The following GAS2 variants were observed in gnomAD, a reference collection of about 807,000 sequenced individuals.
GAS2 encodes growth arrest-specific protein 2.
In GAS2, 20 loss-of-function variants were observed where a neutral mutation model predicts 37.5. That is an observed-to-expected ratio of 0.53 (90% CI 0.37 to 0.77). The LOEUF (loss-of-function observed/expected upper bound fraction) is 0.77. Among genes scored for constraint, GAS2 ranks in the 30% least tolerant of loss-of-function variants. The probability of loss-of-function intolerance (pLI) is 0.00; values close to 1 mark genes in which losing one functional copy is unlikely to be tolerated. For synonymous variants in GAS2, 144 were observed against 132.2 expected, an observed-to-expected ratio of 1.09 and a Z score of -0.61; for missense variants, 336 against 373.4, an observed-to-expected ratio of 0.90 and a Z score of 0.82.
At chr11:22,652,576 C>T (rs1247991541) in intron 1 of GAS2, among the ~76,000 whole-genome samples, 1 of 152,208 alleles carries the variant, frequency 6.6e-6, no homozygotes, top group Non-Finnish European at 1.5e-5. Context: ...CAGCGAGACT[C>T]CGTGGGCGTA....
chr11:22,694,328 G>A (rs1282430257), intron 3 of GAS2, among the ~76,000 whole-genome samples: 1 of 152,072 alleles, frequency 6.6e-6, no homozygotes, highest in East Asian at 1.9e-4. Context: ...TTTGCCTCTG[G>A]AAATTAAGTG....
At chr11:22,752,988 A>C (rs1408863819) in intron 6 of GAS2, among the ~76,000 whole-genome samples, 3 of 152,056 alleles carry the variant, frequency 2.0e-5, no homozygotes, top group Non-Finnish European at 2.9e-5. Context: ...AAAACGGTGG[A>C]GTCAGGTTTA....
chr11:22,688,014 C>G (rs183730953), intron 3 of GAS2, among the ~76,000 whole-genome samples: 4 of 152,258 alleles, frequency 2.6e-5, no homozygotes, highest in Admixed American at 1.3e-4. Context: ...TAAGCCTTTG[C>G]TTTTTTAAAA....
intron 7 of GAS2, among the ~76,000 whole-genome samples, chr11:22,792,556 C>T (rs773169786): frequency 4.6e-5 from 7 of 152,164 alleles, no homozygotes; most frequent in Non-Finnish European, 8.8e-5. Flanking sequence ...AGCAAAGAGT[C>T]AACATGGGAG....
chr11:22,702,555 G>A (rs543823901), intron 3 of GAS2: 46 of 152,210 alleles, frequency 3.0e-4, no homozygotes, highest in Admixed American at 2.7e-3. Context: ...GCCCTAATAA[G>A]CAAATGGCAA....
At chr11:22,633,930 G>A (rs1376240976) in intron 1 of GAS2, among the ~76,000 whole-genome samples, 2 of 152,312 alleles carry the variant, frequency 1.3e-5, no homozygotes, top group East Asian at 3.9e-4. Flanking sequence ...GTTCCAGGAA[G>A]CCTCTCTACA....
At chr11:22,797,825 A>G (rs1191505248) in intron 7 of GAS2, among the ~76,000 whole-genome samples, 3 of 152,088 alleles carry the variant, frequency 2.0e-5, no homozygotes, top group Non-Finnish European at 4.4e-5. Flanking sequence ...AGATTCATAA[A>G]TTGTTCCAAG....
At chr11:22,666,438 T>C (rs1270442738), upstream of GAS2, 1 of 152,188 alleles carries the variant, frequency 6.6e-6, no homozygotes, top group African/African-American at 2.4e-5. Context: ...GAGTTAAATA[T>C]GATCCCCTCC....
intron 1 of GAS2, among the ~76,000 whole-genome samples, chr11:22,655,170 A>C (rs1445308579): frequency 6.6e-6 from 1 of 152,112 alleles, no homozygotes; most frequent in Non-Finnish European, 1.5e-5. Context: ...GCTAGGGCTC[A>C]ATCACTTACC....
chr11:22,704,625 T>A (rs865961828), intron 3 of GAS2, among the ~76,000 whole-genome samples: 2 of 63,916 alleles, frequency 3.1e-5, no homozygotes, highest in East Asian at 4.9e-4. Flanking sequence ...ATATATATAT[T>A]TTGCTCATCT....
chr11:22,658,964 G>C (rs1001031763), intron 1 of GAS2, among the ~76,000 whole-genome samples: 3 of 152,194 alleles, frequency 2.0e-5, no homozygotes, highest in Non-Finnish European at 2.9e-5. Context: ...CATGTTAGTA[G>C]TATCATGTTA....
intron 3 of GAS2, among the ~76,000 whole-genome samples, chr11:22,722,046 A>C (rs1437874753): frequency 6.6e-6 from 1 of 151,992 alleles, no homozygotes; most frequent in African/African-American, 2.4e-5. Context: ...ACAGATTTTA[A>C]GTACATTTCC....
intron 7 of GAS2, among the ~76,000 whole-genome samples, chr11:22,780,573 A>AAAAAAG (rs1272672960): frequency 1.3e-5 from 2 of 151,380 alleles, no homozygotes; most frequent in African/African-American, 4.9e-5. Flanking sequence ...AAAAAAAAAA[A>AAAAAAG]AAAGATTGTA....
chr11:22,682,169 C>T (rs1849712114), intron 2 of GAS2, among the ~76,000 whole-genome samples: 1 of 151,838 alleles, frequency 6.6e-6, no homozygotes, highest in Admixed American at 6.6e-5. Context: ...TCATTAGATA[C>T]AGATGTTCAA....
intron 4 of GAS2, among the ~76,000 whole-genome samples, chr11:22,727,078 T>A (rs1236305374): frequency 6.6e-6 from 1 of 152,108 alleles, no homozygotes. Flanking sequence ...AATCATAGAA[T>A]GAGCTTATTT....
chr11:22,714,221 G>C (rs1851551733), intron 3 of GAS2, among the ~76,000 whole-genome samples: 1 of 152,082 alleles, frequency 6.6e-6, no homozygotes, highest in South Asian at 2.1e-4. Flanking sequence ...AGCAGGGGTA[G>C]CTATTCTTAT....
chr11:22,765,929 G>A (rs1404948011), intron 7 of GAS2, among the ~76,000 whole-genome samples: 2 of 152,190 alleles, frequency 1.3e-5, no homozygotes, highest in Non-Finnish European at 1.5e-5. Flanking sequence ...AAAAGAGGGA[G>A]CAGGTACTTC....
intron 3 of GAS2, among the ~76,000 whole-genome samples, chr11:22,703,244 C>T (rs1286725725): frequency 1.3e-5 from 2 of 152,142 alleles, no homozygotes; most frequent in Non-Finnish European, 2.9e-5. Flanking sequence ...TCACATCCTG[C>T]ATTTAACAAC....
chr11:22,627,278 T>TTA (rs927810442), intron 1 of GAS2, among the ~76,000 whole-genome samples: 82 of 152,362 alleles, frequency 5.4e-4, no homozygotes, highest in African/African-American at 1.8e-3. Flanking sequence ...ATTCTTATAT[T>TTA]TAACACCTAT....
Sources: gnomAD v4.1 joint callset for allele counts (sites outside exome capture counted in the v4.1 genomes callset) on GRCh38, gnomAD v4.1.1 for gene constraint, MANE v1.5 for transcripts, NCBI Gene and HGNC (gene_info 2026-07-23, HGNC 2026-07-21) for gene names.